The following EDIL3 variants were observed in gnomAD, a reference collection of about 807,000 sequenced individuals.
EDIL3 encodes the protein EGF-like repeat and discoidin I-like domain-containing protein 3.
Under a neutral mutation model 67.4 loss-of-function variants are expected in EDIL3, and 37 were observed. The observed-to-expected ratio is 0.55, with a 90% CI of 0.42 to 0.72. The LOEUF is 0.72. EDIL3 is among the 30% of genes least tolerant of loss of function. EDIL3 has a pLI of 0.00. For missense variants in EDIL3, 527 were observed against 586.3 expected, an observed-to-expected ratio of 0.90 and a Z score of 1.04; for synonymous variants, 195 against 196.3, an observed-to-expected ratio of 0.99 and a Z score of 0.05.
chr5:83,992,512 C>T (rs1580269190), intron 9 of EDIL3, among the ~76,000 whole-genome samples: 2 of 152,072 alleles, frequency 1.3e-5, no homozygotes, highest in Non-Finnish European at 1.5e-5. Context: ...AACAAAGCAG[C>T]GAGGAAGAGA....
chr5:83,949,537 T>C (rs779216414), intron 10 of EDIL3, among the ~76,000 whole-genome samples: 6 of 151,878 alleles, frequency 4.0e-5, no homozygotes, highest in Non-Finnish European at 8.8e-5. Flanking sequence ...AAGGAGTTGA[T>C]CATCTTGTCT....
Position 83,945,668 on chromosome 5 carries a change from AG to A in EDIL3, c.1294-2101del, listed in dbSNP as rs142940925. ...AATTATACTTATTTCTTTATAATGA[AG>A]AATACATACAGAGAAACTATATCAG... On this transcript the variant is annotated intron_variant, in intron 10 of 10. Transcript: ENST00000296591. 4.7e-3 allele frequency among the ~76,000 whole-genome samples: 721 copies of A among 152,086 alleles called. 9 individuals carry two copies. Among genetic ancestry groups the A allele is most frequent in the African/African-American group, 0.017 (692 of 41,542 alleles).
At chr5:84,356,141 A>C (rs1210105794) in intron 1 of EDIL3, among the ~76,000 whole-genome samples, 1 of 152,230 alleles carries the variant, frequency 6.6e-6, no homozygotes, top group African/African-American at 2.4e-5. Context: ...GAGTGTTGGG[A>C]AGTGTAGCTT....
intron 1 of EDIL3, among the ~76,000 whole-genome samples, chr5:84,262,458 T>C (rs2112085687): frequency 6.6e-6 from 1 of 152,028 alleles, no homozygotes; most frequent in Admixed American, 6.6e-5. Flanking sequence ...ATTCACTGAG[T>C]TAAGAAAAAA....
intron 1 of EDIL3, among the ~76,000 whole-genome samples, chr5:84,291,731 GATCT>G (rs57928422): frequency 2.9e-5 from 4 of 138,108 alleles, no homozygotes; most frequent in East Asian, 2.2e-4. Context: ...TATCTATATA[GATCT>G]ATCTATATAG....
intron 3 of EDIL3, among the ~76,000 whole-genome samples, chr5:84,208,670 A>T (rs1744042628): frequency 1.5e-5 from 2 of 134,488 alleles, no homozygotes; most frequent in Non-Finnish European, 3.1e-5. Flanking sequence ...TGGGCAACAG[A>T]GCGAGACTCC....
intron 9 of EDIL3, among the ~76,000 whole-genome samples, chr5:84,033,782 G>A (rs2112205607): frequency 1.3e-5 from 2 of 151,876 alleles, no homozygotes; most frequent in African/African-American, 4.8e-5. Flanking sequence ...TGTTTCTGGA[G>A]TTCTGGCACA....
chr5:84,253,512 C>T (rs1745072684), intron 2 of EDIL3, among the ~76,000 whole-genome samples: 1 of 152,106 alleles, frequency 6.6e-6, no homozygotes, highest in Non-Finnish European at 1.5e-5. Context: ...ACATATTTCG[C>T]AGATTTTTTA....
intron 3 of EDIL3, among the ~76,000 whole-genome samples, chr5:84,207,924 G>T (rs1744020666): frequency 6.6e-6 from 1 of 152,116 alleles, no homozygotes; most frequent in Non-Finnish European, 1.5e-5. Context: ...TTAAACGTTA[G>T]ACCTAAAACC....
intron 4 of EDIL3, among the ~76,000 whole-genome samples, chr5:84,177,936 G>A (rs1441274032): frequency 6.6e-6 from 1 of 152,012 alleles, no homozygotes; most frequent in African/African-American, 2.4e-5. Context: ...AAGACATTTA[G>A]TTAACATTCT....
chr5:83,954,482 C>T (rs1213701541), intron 10 of EDIL3, among the ~76,000 whole-genome samples: 1 of 151,460 alleles, frequency 6.6e-6, no homozygotes, highest in Non-Finnish European at 1.5e-5. Context: ...AATGTGTCAC[C>T]TTATCCTCTC....
At chr5:84,366,929 CA>C (rs1266418038) in intron 1 of EDIL3, among the ~76,000 whole-genome samples, 2 of 152,138 alleles carry the variant, frequency 1.3e-5, no homozygotes, top group African/African-American at 4.8e-5. Flanking sequence ...AATGTCCCAA[CA>C]AAAATATTAG....
intron 1 of EDIL3, among the ~76,000 whole-genome samples, chr5:84,269,704 T>TG: frequency 6.6e-6 from 1 of 152,144 alleles, no homozygotes; most frequent in Non-Finnish European, 1.5e-5. Flanking sequence ...TACAGAAATC[T>TG]GGGGGCTCTT....
At chr5:84,356,630 T>C (rs929491921) in intron 1 of EDIL3, among the ~76,000 whole-genome samples, 9 of 151,956 alleles carry the variant, frequency 5.9e-5, no homozygotes, top group South Asian at 4.2e-4. Flanking sequence ...ATTTCAAGAT[T>C]TGTAGCGTAA....
chr5:84,332,714 ACTT>A (rs1561260101), intron 1 of EDIL3, among the ~76,000 whole-genome samples: 1 of 152,126 alleles, frequency 6.6e-6, no homozygotes, highest in African/African-American at 2.4e-5. Context: ...GTGGTTTGGT[ACTT>A]CTTCTTACTT....
chr5:84,006,883 G>T (rs1580276086), intron 9 of EDIL3, among the ~76,000 whole-genome samples: 1 of 151,878 alleles, frequency 6.6e-6, no homozygotes, highest in South Asian at 2.1e-4. Context: ...TATAAAAAAA[G>T]AATTATACTA....
rs541126970 is a variant in EDIL3, at chr5:84,229,790, T to C, written c.226+65A>G. ...ATCTGAAAAAATATTACTCAAAAGG[T>C]TGACTCTCTATTATTAAAGGCATGA... On this transcript the variant is annotated intron_variant, in intron 3 of 10. Transcript: ENST00000296591. The C allele has an allele frequency of 2.4e-5, 35 of 1,487,712 alleles. No individual in the cohort carries two copies. In the African/African-American group the frequency reaches 3.8e-4, roughly 16 times the overall value. The allele number at this position is 1,487,712 out of a possible 1,614,324, so 92.2% of individuals were successfully genotyped here.
chr5:84,291,566 A>G (rs1470048326), intron 1 of EDIL3, among the ~76,000 whole-genome samples: 3 of 151,624 alleles, frequency 2.0e-5, no homozygotes, highest in Non-Finnish European at 4.4e-5. Flanking sequence ...AAAAATTGAT[A>G]CAAAGATTAT....
In EDIL3 at chr5:84,059,716, C is replaced by T. The variant is rs189332103; in HGVS notation, c.1137+584G>A. ...AACCTGTGCATATTTAAACGTGCTC[C>T]ACAAATAAGAGAATTTCATGAAGAT... On this transcript the variant is annotated intron_variant, in intron 9 of 10. Transcript: ENST00000296591. 2.2e-3 allele frequency among the ~76,000 whole-genome samples: 331 copies of T among 152,238 alleles called. 2 individuals are homozygous for T. Among genetic ancestry groups the T allele is most frequent in the Admixed American group, 0.019 (296 of 15,288 alleles).
Sources: gnomAD v4.1 joint callset for allele counts (sites outside exome capture counted in the v4.1 genomes callset) on GRCh38, gnomAD v4.1.1 for gene constraint, MANE v1.5 for transcripts, NCBI Gene and HGNC (gene_info 2026-07-23, HGNC 2026-07-21) for gene names.